Variants in CACNA1S observed in about 807,000 individuals in gnomAD.
The protein encoded by CACNA1S is voltage-dependent L-type calcium channel subunit alpha-1S.
Under a neutral mutation model 207.4 loss-of-function variants are expected in CACNA1S, and 126 were observed. The ratio of observed to expected loss-of-function variants is 0.61; its 90% CI spans 0.53 to 0.70. The LOEUF is 0.70. Ranked by LOEUF, CACNA1S falls within the 30% of genes least tolerant of loss-of-function variation. CACNA1S has a pLI of 0.00. For missense variants in CACNA1S, 2,349 were observed against 2,422.8 expected (o/e 0.97, Z 0.64); for synonymous variants, 960 against 932.7 (o/e 1.03, Z -0.53).
In CACNA1S at chr1:201,077,091, C is replaced by T. The variant is rs755365324; in HGVS notation, c.1656G>A (p.Leu552=). The change falls in exon 12 of 44, where the codon CTG becomes CTA. Residue 552 remains leucine, a synonymous_variant. Transcript: ENST00000362061. ...WTSLSNLVAS[L]LNSIRSIASL... ...AGGCGATGGAGCGGATGGAGTTGAG[C>T]AGGGATGCCACCAGGTTGCTCAGCG... 6 of 1,614,020 alleles carry T rather than the reference C, an allele frequency of 3.7e-6. No individual in the cohort carries two copies. The East Asian group carries it at 8.9e-5, about 24-fold the overall frequency.
intron 24 of CACNA1S, among the ~76,000 whole-genome samples, 157 bp downstream of exon 24, chr1:201,061,787 C>G (rs1200606236): frequency 6.6e-6 from 1 of 152,208 alleles, no homozygotes; most frequent in Non-Finnish European, 1.5e-5. Flanking sequence ...TTTGGAGTGA[C>G]CAGTCAACAT....
chr1:201,089,107 G>T (rs1662131195), intron 6 of CACNA1S, 151 bp downstream of exon 6: 1 of 739,150 alleles, frequency 1.4e-6, no homozygotes, highest in Admixed American at 2.0e-5. Flanking sequence ...CACACATCCT[G>T]TATAGATTCC....
At position 201,061,261 on chromosome 1, in the gene CACNA1S, AG is replaced by A; in HGVS notation, c.3255+5del. ...GCCCTCCACCTCTGGCAGGCAGCCC[AG>A]GCACCTGGTTCTTGTCCAGCTCACA... On this transcript the variant is annotated splice_donor_5th_base_variant and intron_variant, in intron 25 of 43. Coordinates refer to ENST00000362061, the MANE Select transcript of CACNA1S (RefSeq NM_000069.3). 1 of 1,613,850 alleles carries A rather than the reference AG, an allele frequency of 6.2e-7. No homozygotes were observed. The highest frequency in any genetic ancestry group is 8.5e-7 in the Non-Finnish European group (1 of 1,179,730).
chr1:201,044,528 T>C, intron 38 of CACNA1S, 72 bp from the exon 39 acceptor site: 3 of 1,566,476 alleles, frequency 1.9e-6, no homozygotes, highest in Non-Finnish European at 2.6e-6. Flanking sequence ...TTTCTTTTTT[T>C]GAGACAGAGT....
At position 201,112,173 on chromosome 1, in the gene CACNA1S, G is replaced by T; in HGVS notation, c.152+15C>A. 6.2e-7 allele frequency: 1 copy of T among 1,609,930 alleles called. No individual in the cohort carries two copies. The highest frequency in any genetic ancestry group is 8.5e-7 in the Non-Finnish European group (1 of 1,176,912). On this transcript the variant is annotated intron_variant, in intron 1 of 43. Coordinates refer to ENST00000362061, the MANE Select transcript of CACNA1S (RefSeq NM_000069.3). ...GACGCACACCCCCCCCCACGGCCCG[G>T]GCCCTGAAGGATACTTCCATTCTAC... is the stretch of plus-strand genomic sequence containing the variant.
intron 36 of CACNA1S, among the ~76,000 whole-genome samples, chr1:201,047,948 C>A (rs1660521204): frequency 6.6e-6 from 1 of 152,202 alleles, no homozygotes; most frequent in African/African-American, 2.4e-5. Context: ...GGCCCAAATA[C>A]CCCCAGGCAG....
rs74136322 is a variant in CACNA1S, at chr1:201,110,070, C to T, written c.258+94G>A. 1.0e-3 allele frequency: 1,156 copies of T among 1,157,544 alleles called. 6 individuals carry two copies. Among genetic ancestry groups the T allele is most frequent in the African/African-American group, 4.5e-3 (300 of 66,218 alleles). 71.7% of individuals were successfully genotyped at this position (1,157,544 alleles called of 1,614,324 possible). A position where few individuals can be genotyped will look rare whatever the true frequency, so the allele number is the denominator to read the frequency against. Reference sequence around the variant, plus strand: ...CTGCATCGTCAGGGAGTTGAACCACCGGCACCATCCCCCAGAACAGAGTCC... The same window carrying T: ...CTGCATCGTCAGGGAGTTGAACCACTGGCACCATCCCCCAGAACAGAGTCC... On this transcript the variant is annotated intron_variant, in intron 2 of 43. Transcript: ENST00000362061.
rs1662147310 is a variant in CACNA1S, at chr1:201,089,367, C to G, written c.791G>C (p.Gly264Ala). The change falls in exon 6 of 44, where the codon GGC becomes GCC. Residue 264 changes from glycine (G) to alanine (A), a missense_variant. Gly to Ala is a moderately conservative substitution (Grantham distance 60). Transcript: ENST00000362061. ...CTINGSECRG[G>A]WPGPNHGITH... is the part of the protein sequence containing the mutation. ...GATGCCATGGTTGGGCCCTGGCCAG[C>G]CGCCCCGGCACTCACTGCCATTGAT... 6.2e-7 allele frequency: 1 copy of G among 1,614,126 alleles called. No individual in the cohort carries two copies. Among genetic ancestry groups the G allele is most frequent in the Non-Finnish European group, 8.5e-7 (1 of 1,180,046 alleles).
chr1:201,060,812 T>C lies in CACNA1S; in HGVS notation c.3260A>G (p.Gln1087Arg). The C allele has an allele frequency of 6.2e-7, 1 of 1,614,176 alleles. No individual in the cohort carries two copies. The highest frequency in any genetic ancestry group is 1.1e-5 in the South Asian group (1 of 91,080). Residue 1087 changes from glutamine (Q) to arginine (R), a missense_variant, in exon 26 of 44, where the codon CAA becomes CGA. Transcript: ENST00000362061. ...GGCCTTCAGGGCATACTGTACACAT[T>C]GGCGCTGTGACACATACAACAGGAC... The part of the protein sequence containing the change: ...KNCELDKNQR[Q>R]CVQYALKARP...
chr1:201,099,352 G>A (rs1662556147), intron 2 of CACNA1S, among the ~76,000 whole-genome samples: 1 of 152,192 alleles, frequency 6.6e-6, no homozygotes, highest in Non-Finnish European at 1.5e-5. Context: ...CTCACTGAAA[G>A]GACCTTACTG....
chr1:201,102,929 T>C (rs1662733651), intron 2 of CACNA1S, among the ~76,000 whole-genome samples: 1 of 152,178 alleles, frequency 6.6e-6, no homozygotes, highest in Non-Finnish European at 1.5e-5. Flanking sequence ...CTGTTAGTGC[T>C]GGGAGGTCAG....
In CACNA1S at chr1:201,112,204, T is replaced by C. The variant is rs773923999; in HGVS notation, c.136A>G (p.Ser46Gly). 8.1e-6 allele frequency: 13 copies of C among 1,613,528 alleles called. No individual in the cohort carries two copies. The South Asian group carries it at 9.9e-5, about 12-fold the overall frequency. The change falls in exon 1 of 44, where the codon AGC becomes GGC. Residue 46 changes from serine to glycine, a missense_variant. Physicochemically the swap from Ser to Gly is moderately conservative, Grantham distance 56. Coordinates refer to ENST00000362061, the MANE Select transcript of CACNA1S (RefSeq NM_000069.3). Reference sequence around the variant, plus strand: ...GAAGGATACTTCCATTCTACAATGCTGATGCAGGCCTTCCTCAGGGGGTTC... The same window carrying C: ...GAAGGATACTTCCATTCTACAATGCCGATGCAGGCCTTCCTCAGGGGGTTC... ...LENPLRKACI[S>G]IVEWKPFETI... is the part of the protein sequence containing the mutation.
chr1:201,109,183 G>A (rs1185472654), intron 2 of CACNA1S, among the ~76,000 whole-genome samples: 5 of 149,454 alleles, frequency 3.3e-5, no homozygotes, highest in Admixed American at 3.3e-4. Flanking sequence ...AGGAGGCGGA[G>A]GTTGCAGTGA....
chr1:201,067,988 C>A (rs1295485088), intron 19 of CACNA1S, among the ~76,000 whole-genome samples: 1 of 152,176 alleles, frequency 6.6e-6, no homozygotes, highest in Non-Finnish European at 1.5e-5. Context: ...TAGATGGGTT[C>A]TCCTTCTGCC....
intron 38 of CACNA1S, 48 bp downstream of exon 38, chr1:201,047,067 C>T (rs1318817863): frequency 2.5e-6 from 4 of 1,613,410 alleles, no homozygotes; most frequent in Admixed American, 3.3e-5. Flanking sequence ...AGTCTGGAGA[C>T]CTGGCTCAGT....
intron 27 of CACNA1S, 46 bp from the exon 28 acceptor site, chr1:201,058,537 G>A: frequency 6.8e-7 from 1 of 1,461,102 alleles, no homozygotes; most frequent in East Asian, 2.3e-5. Context: ...GCTTTGGGAG[G>A]AAGGAGCTCT....
chr1:201,083,466 C>T lies in CACNA1S; in HGVS notation c.1233-144G>A, dbSNP rs77588239. 486 of 802,482 alleles carry T rather than the reference C, an allele frequency of 6.1e-4. 6 individuals carry two copies. The East Asian group carries it at 9.6e-3, about 16-fold the overall frequency. The allele number at this position is 802,482 out of a possible 1,614,324, so 49.7% of individuals were successfully genotyped here. The stretch of plus-strand genomic sequence containing the variant: ...ACATGAGAGAAGCTCAGGGCATGAG[C>T]TAGGGAGCCAGACTGAGTAAAATCC... On this transcript the variant is annotated intron_variant, in intron 9 of 43. Coordinates refer to ENST00000362061, the MANE Select transcript of CACNA1S (RefSeq NM_000069.3).
chr1:201,107,491 A>C (rs79271474), intron 2 of CACNA1S, among the ~76,000 whole-genome samples: 3,330 of 152,340 alleles, frequency 0.022, 119 homozygotes, highest in African/African-American at 0.076. Context: ...AAGATGGGAA[A>C]TGTGTCTATT....
chr1:201,095,196 A>G (rs1662378570), intron 2 of CACNA1S, among the ~76,000 whole-genome samples: 1 of 151,280 alleles, frequency 6.6e-6, no homozygotes, highest in Admixed American at 6.6e-5. Flanking sequence ...ACGTGTGTAT[A>G]TATATACACA....
Sources: gnomAD v4.1 joint callset for allele counts (sites outside exome capture counted in the v4.1 genomes callset) on GRCh38, gnomAD v4.1.1 for gene constraint, MANE v1.5 for transcripts, NCBI Gene and HGNC (gene_info 2026-07-23, HGNC 2026-07-21) for gene names.